CDH26: variants seen among roughly 807,000 people sequenced by gnomAD.
CDH26 encodes the protein cadherin 26, also known as cadherin-like protein 26.
Under a neutral mutation model 90.3 loss-of-function variants are expected in CDH26, and 83 were observed. The ratio of observed to expected loss-of-function variants is 0.92; its 90% CI spans 0.77 to 1.10. The LOEUF (loss-of-function observed/expected upper bound fraction) is 1.10. Among genes scored for constraint, CDH26 ranks in the 50% least tolerant of loss-of-function variants. The pLI, the probability that CDH26 is intolerant of heterozygous loss-of-function variation, is 0.00. For synonymous variants in CDH26, 397 were observed against 396.3 expected, an observed-to-expected ratio of 1.00 and a Z score of -0.02; for missense variants, 1,013 against 1,037.6, an observed-to-expected ratio of 0.98 and a Z score of 0.33.
intron 16 of CDH26, among the ~76,000 whole-genome samples, chr20:60,005,160 C>T (rs1042975745): frequency 6.6e-6 from 1 of 152,118 alleles, no homozygotes; most frequent in Non-Finnish European, 1.5e-5. Context: ...TTTCTTTCTT[C>T]TAGCTTACTT....
At chr20:59,975,448 T>C (rs915069386) in intron 4 of CDH26, among the ~76,000 whole-genome samples, 20 of 152,182 alleles carry the variant, frequency 1.3e-4, no homozygotes, top group Non-Finnish European at 2.8e-4. Context: ...ACTCCTCCAT[T>C]TCAGCTCTAG....
intron 12 of CDH26, chr20:59,996,331 A>G: frequency 7.0e-7 from 1 of 1,427,380 alleles, no homozygotes; most frequent in South Asian, 1.5e-5. Flanking sequence ...AACCATGGAG[A>G]CAGCAATGTA....
intron 2 of CDH26, among the ~76,000 whole-genome samples, chr20:59,969,812 A>G (rs2061230460): frequency 6.6e-6 from 1 of 152,254 alleles, no homozygotes; most frequent in African/African-American, 2.4e-5. Context: ...GCAGACAGTC[A>G]TCTTTAATGC....
intron 1 of CDH26, among the ~76,000 whole-genome samples, chr20:59,960,332 A>G (rs556748831): frequency 6.6e-6 from 1 of 152,128 alleles, no homozygotes; most frequent in South Asian, 2.1e-4. Flanking sequence ...GAATGAGGAA[A>G]TGCGTAAAAG....
intron 7 of CDH26, among the ~76,000 whole-genome samples, chr20:60,021,875 C>CAT (rs1313976806): frequency 0.013 from 1,375 of 103,374 alleles, 56 homozygotes; most frequent in African/African-American, 0.04. Flanking sequence ...CACACACACA[C>CAT]ACACACACAC....
rs539802696 is a variant in CDH26 at position 59,994,246 on chromosome 20, C to G, written c.1427-4C>G. On this transcript the variant is annotated splice_region_variant and splice_polypyrimidine_tract_variant and intron_variant, in intron 10 of 17. Transcript: ENST00000348616. The stretch of plus-strand genomic sequence containing the variant: ...CAACTCCTGAAACTTCCTCCCCATA[C>G]AAGGCTTCCCACCGCAGACTGCTAC... 2 of 1,613,776 alleles carry G rather than the reference C, an allele frequency of 1.2e-6. No homozygotes were observed. Among genetic ancestry groups the G allele is most frequent in the South Asian group, 2.2e-5 (2 of 91,040 alleles).
chr20:59,966,354 C>T (rs1433318846), intron 1 of CDH26, among the ~76,000 whole-genome samples: 1 of 151,212 alleles, frequency 6.6e-6, no homozygotes, highest in South Asian at 2.1e-4. Flanking sequence ...CTTGTACATA[C>T]TTCCCATCCA....
rs1427986534 is a variant in CDH26 at position 59,992,538 on chromosome 20, A to G, written c.1426+18A>G. 1 of 1,612,184 alleles carries G rather than the reference A, an allele frequency of 6.2e-7. No individual in the cohort carries two copies. Among genetic ancestry groups the G allele is most frequent in the Non-Finnish European group, 8.5e-7 (1 of 1,178,584 alleles). ...TGATGATGGTGAGTGTTTACCCAAA[A>G]TTGGAAAAATAAAATGCTCATTCTT... On this transcript the variant is annotated intron_variant, in intron 10 of 17. Transcript: ENST00000348616. The surrounding 1 kb of genome is among the most constrained non-coding windows in gnomAD (Gnocchi z 5.0).
In CDH26 at chr20:60,006,325, C is replaced by A. The variant is rs541835237; in HGVS notation, c.2221-388C>A. ...GGCCAGATGAGCAGGAGACTGCCAG[C>A]AGCCCATCATGGGAAACAATGGGCA... On this transcript the variant is annotated intron_variant, in intron 16 of 17. Transcript: ENST00000348616. Among the ~76,000 whole-genome samples the A allele has an allele frequency of 4.0e-5, 6 of 148,968 alleles. No homozygotes were observed. In the South Asian group the frequency reaches 1.0e-3, roughly 26 times the overall value.
chr20:60,021,871 C>CACACACAT (rs1569068656), intron 7 of CDH26, among the ~76,000 whole-genome samples: 3 of 105,976 alleles, frequency 2.8e-5, no homozygotes, highest in Non-Finnish European at 4.4e-5. Flanking sequence ...CACACACACA[C>CACACACAT]ACACACACAC....
At chr20:60,026,039 G>C (rs2061994106) in intron 7 of CDH26, among the ~76,000 whole-genome samples, 1 of 152,142 alleles carries the variant, frequency 6.6e-6, no homozygotes, top group Non-Finnish European at 1.5e-5. Context: ...CAGGCACCAG[G>C]CCTCACTGGG....
In CDH26 at chr20:59,975,901, T is replaced by G. The variant is rs1601112635; in HGVS notation, c.393+3778T>G. Among the ~76,000 whole-genome samples the G allele has an allele frequency of 2.0e-5, 3 of 152,098 alleles. No homozygotes were observed. In the South Asian group the frequency reaches 6.2e-4, roughly 32 times the overall value. ...GGCTAACATTTATTAACTCCATGCA[T>G]GTACAAGAAAGCAGTAGCCCTGGTT... On this transcript the variant is annotated intron_variant, in intron 4 of 17. Transcript: ENST00000348616.
chr20:59,969,865 A>G (rs567377675), intron 2 of CDH26, among the ~76,000 whole-genome samples: 12 of 152,314 alleles, frequency 7.9e-5, no homozygotes, highest in African/African-American at 2.2e-4. Flanking sequence ...AACCACGTCA[A>G]ATCATCGGAC....
At chr20:59,961,655 T>C (rs767004335) in intron 1 of CDH26, among the ~76,000 whole-genome samples, 1 of 152,188 alleles carries the variant, frequency 6.6e-6, no homozygotes, top group African/African-American at 2.4e-5. Context: ...GTGTCCACAA[T>C]AGTTTTCCTC....
At chr20:60,001,832 A>G (rs2061680789) in intron 15 of CDH26, among the ~76,000 whole-genome samples, 1 of 152,198 alleles carries the variant, frequency 6.6e-6, no homozygotes, top group African/African-American at 2.4e-5. Flanking sequence ...CTTGTACTCT[A>G]CATACAAATT....
intron 16 of CDH26, among the ~76,000 whole-genome samples, chr20:60,003,801 C>T (rs1206936566): frequency 6.6e-6 from 1 of 152,122 alleles, no homozygotes; most frequent in Non-Finnish European, 1.5e-5. Context: ...TAGAGTTAAA[C>T]CAGTGGCTAA....
chr20:60,031,292 C>T (rs1339766166), exon 8 of CDH26: 1 of 1,287,444 alleles, frequency 7.8e-7, no homozygotes, highest in South Asian at 1.3e-5. Flanking sequence ...GGAAGAGCCA[C>T]AGCTGGGCGA....
chr20:59,968,073 C>T (rs2061201616), intron 1 of CDH26, among the ~76,000 whole-genome samples: 2 of 140,702 alleles, frequency 1.4e-5, no homozygotes, highest in Admixed American at 1.5e-4. Context: ...CTCTCTCTCT[C>T]CCTCTCTTTC....
chr20:59,994,059 A>G, intron 10 of CDH26, 191 bp from the exon 11 acceptor site: 1 of 658,578 alleles, frequency 1.5e-6, no homozygotes, highest in Non-Finnish European at 2.5e-6. Flanking sequence ...TTATTAGCTT[A>G]CCCAAATATT....
Sources: gnomAD v4.1 joint callset for allele counts (sites outside exome capture counted in the v4.1 genomes callset) on GRCh38, gnomAD v4.1.1 for gene constraint, Gnocchi (gnomAD v3.1) non-coding constraint, MANE v1.5 for transcripts, NCBI Gene and HGNC (gene_info 2026-07-23, HGNC 2026-07-21) for gene names.